Variants in CACNB2 observed in about 807,000 individuals in gnomAD.
CACNB2 encodes calcium voltage-gated channel auxiliary subunit beta 2, also known as voltage-dependent L-type calcium channel subunit beta-2.
A neutral mutation model predicts 73.3 loss-of-function variants in CACNB2; 42 were observed. The observed-to-expected ratio is 0.57, with a 90% CI of 0.45 to 0.74. The LOEUF (loss-of-function observed/expected upper bound fraction) is 0.74, where lower values mean the gene tolerates loss of function less well. Among genes scored for constraint, CACNB2 ranks in the 30% least tolerant of loss-of-function variants. The pLI, the probability that CACNB2 is intolerant of heterozygous loss-of-function variation, is 0.00. For missense variants in CACNB2, 940 were observed against 853.0 expected (o/e 1.10, Z -1.27); for synonymous variants, 348 against 310.3 (o/e 1.12, Z -1.28).
intron 2 of CACNB2, among the ~76,000 whole-genome samples, chr10:18,224,895 C>T (rs1235416445): frequency 1.3e-5 from 2 of 152,218 alleles, no homozygotes; most frequent in African/African-American, 4.8e-5. Context: ...CTGCTACATC[C>T]TGACAGGCAC....
At chr10:18,265,783 T>A (rs916424467) in intron 2 of CACNB2, among the ~76,000 whole-genome samples, 1 of 152,224 alleles carries the variant, frequency 6.6e-6, no homozygotes, top group South Asian at 2.1e-4. Flanking sequence ...GTGCACTTAC[T>A]TCTGGCCTGA....
intron 3 of CACNB2, among the ~76,000 whole-genome samples, chr10:18,473,196 G>A (rs188199934): frequency 5.3e-5 from 8 of 152,240 alleles, no homozygotes; most frequent in African/African-American, 1.7e-4. Context: ...TTTCAGGTGG[G>A]GCCCCGCTCG....
intron 3 of CACNB2, among the ~76,000 whole-genome samples, chr10:18,453,699 G>A (rs1419594538): frequency 3.3e-5 from 5 of 152,262 alleles, no homozygotes; most frequent in Admixed American, 2.0e-4. Context: ...GCGCGATCTC[G>A]GCTGGCTGCA....
chr10:18,295,275 T>A (rs1000523028), intron 2 of CACNB2, among the ~76,000 whole-genome samples: 2 of 152,332 alleles, frequency 1.3e-5, no homozygotes, highest in East Asian at 1.9e-4. Flanking sequence ...ATTCTTTGAG[T>A]ATAAAAATCC....
At chr10:18,297,126 A>G (rs1442523115) in intron 2 of CACNB2, among the ~76,000 whole-genome samples, 1 of 152,234 alleles carries the variant, frequency 6.6e-6, no homozygotes, top group Non-Finnish European at 1.5e-5. Context: ...TGTATCTACT[A>G]GACACCATGG....
chr10:18,201,721 T>A (rs904557314), intron 2 of CACNB2, among the ~76,000 whole-genome samples: 1 of 152,228 alleles, frequency 6.6e-6, no homozygotes, highest in Admixed American at 6.5e-5. Flanking sequence ...GAATATTCAA[T>A]ATCTCCTCTT....
chr10:18,509,711 G>A (rs2133093250), intron 6 of CACNB2, among the ~76,000 whole-genome samples: 1 of 152,192 alleles, frequency 6.6e-6, no homozygotes, highest in East Asian at 1.9e-4. Context: ...GTTCACTCGA[G>A]TCCAGGAGGT....
intron 3 of CACNB2, among the ~76,000 whole-genome samples, chr10:18,481,376 A>T (rs997353225): frequency 2.0e-5 from 3 of 147,996 alleles, no homozygotes; most frequent in African/African-American, 7.5e-5. Context: ...CCTTCCGAGT[A>T]GCTGGGACTA....
intron 3 of CACNB2, among the ~76,000 whole-genome samples, chr10:18,402,405 A>C (rs12782638): frequency 4.6e-5 from 7 of 151,254 alleles, no homozygotes; most frequent in Non-Finnish European, 1.0e-4. Context: ...AAAAAAAAAA[A>C]CAGACTGACT....
chr10:18,220,861 C>T (rs2035764794), intron 2 of CACNB2, among the ~76,000 whole-genome samples: 1 of 152,192 alleles, frequency 6.6e-6, no homozygotes, highest in Non-Finnish European at 1.5e-5. Context: ...CCATTCCCTA[C>T]AATCCCCCCT....
At chr10:18,242,959 G>A (rs746317320) in intron 2 of CACNB2, among the ~76,000 whole-genome samples, 2 of 148,552 alleles carry the variant, frequency 1.3e-5, no homozygotes, top group Non-Finnish European at 1.5e-5. Context: ...GCAGTGAGCC[G>A]AGATTGCGCC....
At position 18,462,261 on chromosome 10, in the gene CACNB2, A is replaced by G. The variant is rs187678148; in HGVS notation, c.334-36094A>G. Among the ~76,000 whole-genome samples, 8 of 152,180 alleles carry G rather than the reference A, an allele frequency of 5.3e-5. No individual in the cohort carries two copies. In the East Asian group the frequency reaches 1.2e-3, roughly 22 times the overall value. On this transcript the variant is annotated intron_variant, in intron 3 of 13. Coordinates refer to ENST00000324631, the MANE Select transcript of CACNB2 (RefSeq NM_201596.3). ...AGCAAATAGGAGCGCTGGTTGGTTGATTGATTGATTGAGACAGCGTCTCAC... is the reference window on the plus strand; with the variant it reads ...AGCAAATAGGAGCGCTGGTTGGTTGGTTGATTGATTGAGACAGCGTCTCAC...
intron 6 of CACNB2, among the ~76,000 whole-genome samples, chr10:18,510,206 T>A (rs1005083253): frequency 6.6e-6 from 1 of 152,228 alleles, no homozygotes; most frequent in African/African-American, 2.4e-5. Context: ...CCAGCCCTCA[T>A]GTCCAGATAC....
intron 3 of CACNB2, among the ~76,000 whole-genome samples, chr10:18,422,898 A>G (rs994576596): frequency 1.1e-4 from 17 of 152,136 alleles, no homozygotes; most frequent in Non-Finnish European, 1.8e-4. Flanking sequence ...GGGTTTCACT[A>G]TGTTGGTCAA....
In CACNB2 at chr10:18,539,564, G is replaced by T; in HGVS notation, c.1823G>T (p.Arg608Leu). The T allele has an allele frequency of 6.2e-7, 1 of 1,613,782 alleles. No homozygotes were observed. The highest frequency in any genetic ancestry group is 8.5e-7 in the Non-Finnish European group (1 of 1,179,976). The change falls in exon 14 of 14, where the codon CGT (arginine) becomes CTT (leucine). Residue 608 changes from arginine (R) to leucine (L), a missense_variant. Physicochemically the swap from Arg to Leu is moderately radical, Grantham distance 102 (BLOSUM62 -2). Transcript: ENST00000324631. ...CACAGACACAGGGAGTCCCGGCACC[G>T]TTCCCGGGACGTGGATCGAGAGCAG... Reference protein sequence around the residue: ...SDHRHRESRHRSRDVDREQDH... With the variant: ...SDHRHRESRHLSRDVDREQDH...
At chr10:18,244,751 A>G (rs1014483683) in intron 2 of CACNB2, among the ~76,000 whole-genome samples, 1 of 152,212 alleles carries the variant, frequency 6.6e-6, no homozygotes, top group Non-Finnish European at 1.5e-5. Context: ...CCATGTTCCA[A>G]TCTATGGAAC....
chr10:18,348,263 G>C (rs895736772), intron 2 of CACNB2, among the ~76,000 whole-genome samples: 1 of 152,218 alleles, frequency 6.6e-6, no homozygotes, highest in African/African-American at 2.4e-5. Flanking sequence ...TAAAAGATCA[G>C]TTGAAAATTT....
At chr10:18,273,156 A>G (rs1031760356) in intron 2 of CACNB2, among the ~76,000 whole-genome samples, 1 of 152,116 alleles carries the variant, frequency 6.6e-6, no homozygotes, top group South Asian at 2.1e-4. Flanking sequence ...CTTGGAGTCT[A>G]TCTTTTGAGG....
chr10:18,216,913 A>G (rs373925929), intron 2 of CACNB2, among the ~76,000 whole-genome samples: 21 of 152,376 alleles, frequency 1.4e-4, no homozygotes, highest in African/African-American at 3.6e-4. Flanking sequence ...TGGAAGTGCT[A>G]TAAGTATCTT....
Sources: gnomAD v4.1 joint callset for allele counts (sites outside exome capture counted in the v4.1 genomes callset) on GRCh38, gnomAD v4.1.1 for gene constraint, MANE v1.5 for transcripts, NCBI Gene and HGNC (gene_info 2026-07-23, HGNC 2026-07-21) for gene names.